The following ARL10 variants were observed in gnomAD, a reference collection of about 807,000 sequenced individuals.
ARL10 encodes ARF like GTPase 10.
In ARL10, 23 loss-of-function variants were observed where a neutral mutation model predicts 26.1. That is an observed-to-expected ratio of 0.88 (90% CI 0.63 to 1.25). The LOEUF (loss-of-function observed/expected upper bound fraction) is 1.25. Among genes scored for constraint, ARL10 ranks in the 50% most tolerant of loss-of-function variants. The probability of loss-of-function intolerance (pLI) is 0.00; values close to 1 mark genes in which losing one functional copy is unlikely to be tolerated. For synonymous variants in ARL10, 138 were observed against 149.1 expected, an observed-to-expected ratio of 0.93 and a Z score of 0.54; for missense variants, 300 against 323.6, an observed-to-expected ratio of 0.93 and a Z score of 0.56.
chr5:176,387,890 G>C (rs1581411761), intron 1 of ARL10, among the ~76,000 whole-genome samples: 1 of 152,110 alleles, frequency 6.6e-6, no homozygotes, highest in East Asian at 1.9e-4. Flanking sequence ...GAATAACAAA[G>C]AAAAGGTGTA....
intron 1 of ARL10, among the ~76,000 whole-genome samples, chr5:176,396,233 A>G (rs78076919): frequency 0.014 from 2,131 of 152,148 alleles, 51 homozygotes; most frequent in African/African-American, 0.048. Flanking sequence ...ACATGGGAAT[A>G]AGTGGCAAGC....
downstream of ARL10, chr5:176,392,869 A>T: frequency 6.2e-7 from 1 of 1,614,194 alleles, no homozygotes; most frequent in Non-Finnish European, 8.5e-7. The surrounding 1 kb of genome is among the most constrained non-coding windows in gnomAD (Gnocchi z 5.2). Flanking sequence ...TTGAAGTCAC[A>T]TAGCTGGGCC....
downstream of ARL10, chr5:176,393,062 C>T (rs1756330230): frequency 1.7e-6 from 2 of 1,170,698 alleles, no homozygotes; most frequent in East Asian, 2.3e-5. The surrounding 1 kb of genome is among the most constrained non-coding windows in gnomAD (Gnocchi z 4.4). Flanking sequence ...CAGCCTTGTG[C>T]CCCCCTGACT....
chr5:176,388,635 C>T, exon 2 of ARL10: 4 of 1,368,166 alleles, frequency 2.9e-6, no homozygotes, highest in South Asian at 1.3e-5. Flanking sequence ...CAAGGCTTTG[C>T]GGGCATTTGG....
At chr5:176,384,509 G>A (rs138751861), downstream of ARL10, 1,965 of 822,386 alleles carry the variant, frequency 2.4e-3, 19 homozygotes, top group African/African-American at 0.025. Flanking sequence ...GTGGTGCACC[G>A]GGCACAGTGG....
downstream of ARL10, chr5:176,389,534 T>G (rs188961260): frequency 8.9e-6 from 14 of 1,579,200 alleles, no homozygotes; most frequent in Non-Finnish European, 1.1e-5. Context: ...GCAGAAATGA[T>G]TCCAAAACCC....
chr5:176,409,406 C>CTTTTTTTTTTTTT, the ARL10 span, among the ~76,000 whole-genome samples: 1 of 79,656 alleles, frequency 1.3e-5, no homozygotes, highest in Non-Finnish European at 2.2e-5. Context: ...TCTGATTGCC[C>CTTTTTTTTTTTTT]TTTTTTTTTT....
the ARL10 span, among the ~76,000 whole-genome samples, chr5:176,412,584 C>G: frequency 7.9e-5 from 12 of 152,202 alleles, no homozygotes; most frequent in Non-Finnish European, 1.3e-4. Flanking sequence ...ACAAATAGCC[C>G]TTCACCAGCC....
chr5:176,395,021 C>T (rs1281777566), intron 1 of ARL10, among the ~76,000 whole-genome samples: 4 of 152,064 alleles, frequency 2.6e-5, no homozygotes, highest in Admixed American at 1.3e-4. Context: ...CTGAGCTCAG[C>T]CTTGGCACAA....
chr5:176,409,571 G>A, the ARL10 span, among the ~76,000 whole-genome samples: 4 of 151,904 alleles, frequency 2.6e-5, no homozygotes, highest in Non-Finnish European at 5.9e-5. Flanking sequence ...CTGCCACAAT[G>A]ACTGGCTAAT....
downstream of ARL10, chr5:176,384,146 A>G: frequency 1.9e-6 from 3 of 1,613,256 alleles, no homozygotes; most frequent in Non-Finnish European, 2.5e-6. Context: ...CTGGAGCCAC[A>G]CAGCACCTCC....
At position 176,388,292 on chromosome 5, in the gene ARL10, C is replaced by T. The variant is rs372435052; in HGVS notation, c.37-3C>T. 3.7e-6 allele frequency: 6 copies of T among 1,614,090 alleles called. No individual in the cohort carries two copies. The African/African-American group carries it at 6.7e-5, about 18-fold the overall frequency. On this transcript the variant is annotated splice_region_variant and splice_polypyrimidine_tract_variant and intron_variant, in intron 1 of 1. Coordinates refer to the ARL10 transcript ENST00000503175. ...GGTCCACAGCCAACCCCATCTCGGC[C>T]AGGTTCTGCCGTACCGATTTAGCGT...
intron 1 of ARL10, among the ~76,000 whole-genome samples, chr5:176,394,814 TA>T (rs78767071): frequency 0.13 from 18,336 of 143,164 alleles, 1,325 homozygotes; most frequent in Middle Eastern, 0.18. Context: ...GACTCCGTCT[TA>T]AAAAAAAAAA....
rs1459924060 is a variant in ARL10 at position 176,373,579 on chromosome 5, C to T, written c.*1684C>T. ...ACTATGATAAAAACAGTTCAACAAG[C>T]CGCAAGGAGGGTGGGAAATTCTGAA... On this transcript the variant is annotated 3_prime_UTR_variant, in exon 4 of 4. Coordinates refer to ENST00000310389, the MANE Select transcript of ARL10 (RefSeq NM_173664.6). 1 of 152,238 alleles carries T rather than the reference C, an allele frequency of 6.6e-6. No individual in the cohort carries two copies. The highest frequency in any genetic ancestry group is 1.5e-5 in the Non-Finnish European group (1 of 68,070). The allele number at this position is 152,238 out of a possible 1,614,324, so 9.4% of individuals were successfully genotyped here.
rs1352130637 is a variant in ARL10 at position 176,381,721 on chromosome 5, T to A, written c.*9826T>A. 1 of 152,208 alleles carries A rather than the reference T, an allele frequency of 6.6e-6. No individual in the cohort carries two copies. Among genetic ancestry groups the A allele is most frequent in the Non-Finnish European group, 1.5e-5 (1 of 68,030 alleles). The allele number at this position is 152,208 out of a possible 1,614,324, so 9.4% of individuals were successfully genotyped here. ...CATTAAGTTAGGTTATAATTCACTA[T>A]GTACAGAGGCAGCTTTAGGCCAAAC... is the stretch of plus-strand genomic sequence containing the variant. On this transcript the variant is annotated 3_prime_UTR_variant, in exon 4 of 4. Transcript: ENST00000310389.
chr5:176,379,335 A>AT lies in ARL10; in HGVS notation c.*7446dup, dbSNP rs370045535. ...AGGTGCCCGCCACCACGCCCAGCTT[A>AT]TTTTTTGTATTTAGTAGAGATGGGG... is the stretch of plus-strand genomic sequence containing the variant. On this transcript the variant is annotated 3_prime_UTR_variant, in exon 4 of 4. Transcript: ENST00000310389. 2.0e-5 allele frequency: 3 copies of AT among 151,578 alleles called. No homozygotes were observed. The highest frequency in any genetic ancestry group is 7.3e-5 in the African/African-American group (3 of 41,320). 9.4% of individuals were successfully genotyped at this position (151,578 alleles called of 1,614,324 possible). A position where few individuals can be genotyped will look rare whatever the true frequency, so the allele number is the denominator to read the frequency against.
At chr5:176,408,485 G>A in the ARL10 span, among the ~76,000 whole-genome samples, 5 of 151,092 alleles carry the variant, frequency 3.3e-5, no homozygotes, top group South Asian at 8.3e-4. Flanking sequence ...GCAGGGAGCC[G>A]AGATCGTGCC....
rs1273381274 is a variant in ARL10 at position 176,380,973 on chromosome 5, GC to G, written c.*9081del. ...TGTAGAGATGGGGTTTTGCCATGTT[GC>G]CCAGGCTGGTCTCAAACTTGTGAGC... On this transcript the variant is annotated 3_prime_UTR_variant, in exon 4 of 4. Coordinates refer to ENST00000310389, the MANE Select transcript of ARL10 (RefSeq NM_173664.6). 1 of 152,058 alleles carries G rather than the reference GC, an allele frequency of 6.6e-6. No homozygotes were observed. Among genetic ancestry groups the G allele is most frequent in the Non-Finnish European group, 1.5e-5 (1 of 68,044 alleles). 9.4% of individuals were successfully genotyped at this position (152,058 alleles called of 1,614,324 possible).
downstream of ARL10, chr5:176,384,361 T>C (rs201464061): frequency 1.0e-4 from 164 of 1,613,224 alleles, no homozygotes; most frequent in Non-Finnish European, 1.2e-4. Flanking sequence ...ATTCTTCTCA[T>C]CACGGGCCAT....
Sources: gnomAD v4.1 joint callset for allele counts (sites outside exome capture counted in the v4.1 genomes callset) on GRCh38, gnomAD v4.1.1 for gene constraint, Gnocchi (gnomAD v3.1) non-coding constraint, MANE v1.5 for transcripts, NCBI Gene and HGNC (gene_info 2026-07-23, HGNC 2026-07-21) for gene names.